ELF4: variants seen among roughly 807,000 people sequenced by gnomAD.
The protein encoded by ELF4 is E74 like ETS transcription factor 4, also known as ETS-related transcription factor Elf-4.
A neutral mutation model predicts 31.7 loss-of-function variants in ELF4; 10 were observed. That is an observed-to-expected ratio of 0.32 (90% CI 0.19 to 0.54). The LOEUF (loss-of-function observed/expected upper bound fraction) is 0.54. Ranked by LOEUF, ELF4 falls within the 20% of genes least tolerant of loss-of-function variation. The pLI is 0.95. For missense variants in ELF4, 418 were observed against 522.0 expected (o/e 0.80, Z 1.94); for synonymous variants, 208 against 226.7 (o/e 0.92, Z 0.74).
In ELF4 at chrX:130,067,161, C is replaced by T; in HGVS notation, c.1552G>A (p.Gly518Arg). 8.3e-7 allele frequency: 1 copy of T among 1,203,853 alleles called. No homozygotes were observed. Among genetic ancestry groups the T allele is most frequent in the Non-Finnish European group, 1.1e-6 (1 of 890,835 alleles). The change falls in exon 9 of 9, where the codon GGG (glycine) becomes AGG (arginine). Residue 518 changes from glycine to arginine, a missense_variant. Gly to Arg is a moderately radical substitution (Grantham distance 125, BLOSUM62 -2). Coordinates refer to ENST00000308167, the MANE Select transcript of ELF4 (RefSeq NM_001421.4). ...CTGATGAAGGCAGCAATGACAGTCCCAGGGGGCTGAGAGCTGGGCCCTGCT... is the reference window on the plus strand; with the variant it reads ...CTGATGAAGGCAGCAATGACAGTCCTAGGGGGCTGAGAGCTGGGCCCTGCT... ...GPAGPSSQPP[G>R]TVIAAFIRTS...
intron 1 of ELF4, among the ~76,000 whole-genome samples, chrX:130,093,239 A>G (rs1310103361): frequency 9.5e-6 from 1 of 104,845 alleles, no homozygotes; most frequent in Non-Finnish European, 1.9e-5. Flanking sequence ...CAGGAGGCGG[A>G]GGTTGCAGTG....
At chrX:130,097,509 G>A (rs747603526) in intron 1 of ELF4, among the ~76,000 whole-genome samples, 2 of 112,232 alleles carry the variant, frequency 1.8e-5, no homozygotes, top group Non-Finnish European at 3.8e-5. Context: ...AGAATGGAGT[G>A]TCAGATACGT....
chrX:130,105,635 ACT>A (rs1465110678), intron 1 of ELF4, among the ~76,000 whole-genome samples: 3 of 110,387 alleles, frequency 2.7e-5, no homozygotes, highest in Non-Finnish European at 3.8e-5. Flanking sequence ...AACACATGAA[ACT>A]CTACATTCTT....
chrX:130,106,845 AG>A (rs1422745445), intron 1 of ELF4, among the ~76,000 whole-genome samples: 1 of 111,435 alleles, frequency 9.0e-6, no homozygotes, highest in Admixed American at 9.5e-5. Flanking sequence ...CTGGGGAGAC[AG>A]GGGGCATGGC....
intron 1 of ELF4, among the ~76,000 whole-genome samples, chrX:130,102,523 G>C (rs1933280120): frequency 9.1e-6 from 1 of 109,571 alleles, no homozygotes. Flanking sequence ...TAAAGAAAAA[G>C]AAAAAAAAGG....
chrX:130,093,523 A>G (rs1448741000), intron 1 of ELF4, among the ~76,000 whole-genome samples: 2 of 111,555 alleles, frequency 1.8e-5, no homozygotes, highest in African/African-American at 6.5e-5. Context: ...TGGGGTTCCT[A>G]GCCGTAGGGC....
intron 1 of ELF4, among the ~76,000 whole-genome samples, chrX:130,084,832 C>G (rs1445726165): frequency 8.9e-6 from 1 of 111,783 alleles, no homozygotes; most frequent in Admixed American, 9.4e-5. Context: ...AGTGAACCCC[C>G]CCTTCAGTCC....
rs1932887810 is a variant in ELF4, at chrX:130,081,425, C to G, written c.-95G>C. On this transcript the variant is annotated 5_prime_UTR_variant, in exon 2 of 9. Transcript: ENST00000308167. Reference sequence around the variant, plus strand: ...GGGACAATACCCAGGTACTTTGGAGCCTAGAGCCTACCCCCTGAGCTGCAG... The same window carrying G: ...GGGACAATACCCAGGTACTTTGGAGGCTAGAGCCTACCCCCTGAGCTGCAG... 1 of 910,417 alleles carries G rather than the reference C, an allele frequency of 1.1e-6. No homozygotes were observed. Among genetic ancestry groups the G allele is most frequent in the African/African-American group, 1.9e-5 (1 of 51,459 alleles). 75.0% of individuals were successfully genotyped at this position (910,417 alleles called of 1,213,427 possible). A position where few individuals can be genotyped will look rare whatever the true frequency, so the allele number is the denominator to read the frequency against.
intron 3 of ELF4, among the ~76,000 whole-genome samples, chrX:130,074,376 G>C (rs1431162900): frequency 3.6e-5 from 4 of 111,265 alleles, no homozygotes; most frequent in Non-Finnish European, 7.6e-5. Context: ...CCCCTCAGCT[G>C]GTCTTCACTC....
At chrX:130,090,372 CAAA>C (rs1183281100) in intron 1 of ELF4, among the ~76,000 whole-genome samples, 2 of 96,392 alleles carry the variant, frequency 2.1e-5, no homozygotes, top group Non-Finnish European at 4.2e-5. Context: ...GACTCTGTCT[CAAA>C]AAAAAAAAAG....
chrX:130,084,701 C>A (rs2124624342), intron 1 of ELF4, among the ~76,000 whole-genome samples: 1 of 111,754 alleles, frequency 8.9e-6, no homozygotes, highest in South Asian at 3.7e-4. Context: ...GGCTGAGAAA[C>A]CATCCGCCCT....
intron 7 of ELF4, 85 bp downstream of exon 7, chrX:130,070,955 A>G: frequency 1.1e-5 from 13 of 1,157,844 alleles, no homozygotes; most frequent in Non-Finnish European, 1.5e-5. Context: ...TCAGGTCTCC[A>G]TGAAAGCGAG....
Position 130,067,121 on chromosome X carries a change from G to C in ELF4, c.1592C>G (p.Thr531Arg), listed in dbSNP as rs764333892. 3.3e-6 allele frequency: 4 copies of C among 1,202,046 alleles called. No homozygotes were observed. Among genetic ancestry groups the C allele is most frequent in the Non-Finnish European group, 4.5e-6 (4 of 889,589 alleles). Residue 531 changes from threonine (T) to arginine (R), a missense_variant, in exon 9 of 9, where the codon ACA becomes AGA. By Grantham distance (71) the Thr-to-Arg change is moderately conservative. Transcript: ENST00000308167. ...CCCCTCCTTGACCCTAGGGGCTGCT[G>C]TAGTGCCAGAAGTCCTGATGAAGGC... ...IAAFIRTSGT[T>R]AAPRVKEGPL...
At chrX:130,083,143 C>T (rs907335956) in intron 1 of ELF4, among the ~76,000 whole-genome samples, 1 of 96,914 alleles carries the variant, frequency 1.0e-5, no homozygotes, top group Non-Finnish European at 2.0e-5. Flanking sequence ...AACAAAAAGT[C>T]GGGAGAAGTC....
At chrX:130,072,522 T>C (rs1603199915) in intron 4 of ELF4, 105 bp from the exon 5 acceptor site, 2 of 811,554 alleles carry the variant, frequency 2.5e-6, no homozygotes, top group East Asian at 3.2e-5. Context: ...GGGGGGCTCA[T>C]CCCCCCAGCC....
intron 1 of ELF4, among the ~76,000 whole-genome samples, chrX:130,099,099 T>C (rs1933200822): frequency 8.9e-6 from 1 of 112,497 alleles, no homozygotes; most frequent in East Asian, 2.8e-4. Flanking sequence ...GTGGGAAAGT[T>C]TGGAAAAACT....
At chrX:130,098,718 T>C (rs1933194913) in intron 1 of ELF4, among the ~76,000 whole-genome samples, 1 of 112,343 alleles carries the variant, frequency 8.9e-6, no homozygotes, top group East Asian at 2.8e-4. Flanking sequence ...TCAAATGTGT[T>C]TGAATCACAA....
chrX:130,067,810 TTTTAA>T (rs771159080), intron 8 of ELF4, among the ~76,000 whole-genome samples: 161 of 107,624 alleles, frequency 1.5e-3, no homozygotes, highest in Non-Finnish European at 2.1e-3. Context: ...CCCAGCTAAT[TTTTAA>T]TTTATTTTTT....
intron 2 of ELF4, among the ~76,000 whole-genome samples, chrX:130,080,055 AGTT>A (rs1932872636): frequency 8.9e-6 from 1 of 111,940 alleles, no homozygotes; most frequent in Non-Finnish European, 1.9e-5. Context: ...AGAGCATCTG[AGTT>A]AGACTGGAAT....
Sources: allele counts gnomAD v4.1 joint callset (sites outside exome capture counted in the v4.1 genomes callset), GRCh38; gene constraint gnomAD v4.1.1; transcripts MANE v1.5; gene names NCBI Gene and HGNC (gene_info 2026-07-23, HGNC 2026-07-21).